Variants in APBB2 observed in about 807,000 individuals in gnomAD.
The protein encoded by APBB2 is amyloid beta precursor protein binding family B member 2, also known as Fe65-like 1.
Under a neutral mutation model 82.5 loss-of-function variants are expected in APBB2, and 38 were observed. That is an observed-to-expected ratio of 0.46 (90% confidence interval 0.36 to 0.60). The LOEUF is 0.60. Among genes scored for constraint, APBB2 ranks in the 20% least tolerant of loss-of-function variants. APBB2 has a pLI of 0.00. For synonymous variants in APBB2, 341 were observed against 368.2 expected (o/e 0.93, Z 0.85); for missense variants, 772 against 972.3 (o/e 0.79, Z 2.74).
At chr4:41,103,426 G>A (rs1746114473) in intron 2 of APBB2, among the ~76,000 whole-genome samples, 1 of 151,974 alleles carries the variant, frequency 6.6e-6, no homozygotes, top group African/African-American at 2.4e-5. Flanking sequence ...GTTCAAGATA[G>A]GCATAAAGAT....
chr4:40,877,647 T>A (rs1767246725), intron 12 of APBB2, among the ~76,000 whole-genome samples: 1 of 152,224 alleles, frequency 6.6e-6, no homozygotes, highest in African/African-American at 2.4e-5. Context: ...CTGTGCCCTG[T>A]TTAGTTCACC....
In APBB2 at chr4:40,930,458, CGCGCGCGCGT is replaced by C. The variant is rs774151638; in HGVS notation, c.1254+3988_1254+3997del. ...GTGTGTGTGTGTGTGTGCGCGCGCG[CGCGCGCGCGT>C]GCGCGTGCGCGTATGCGTGTGTATG... On this transcript the variant is annotated intron_variant, in intron 10 of 17. Coordinates refer to ENST00000508593, the MANE Select transcript of APBB2 (RefSeq NM_004307.2). 6.4e-3 allele frequency among the ~76,000 whole-genome samples: 849 copies of C among 133,684 alleles called. 5 individuals are homozygous for C. The highest frequency in any genetic ancestry group is 0.023 in the African/African-American group (771 of 33,006). 87.7% of individuals were successfully genotyped at this position (133,684 alleles called of 152,430 possible). A position where few individuals can be genotyped will look rare whatever the true frequency, so the allele number is the denominator to read the frequency against.
chr4:40,823,078 A>G (rs1748574317), intron 16 of APBB2, among the ~76,000 whole-genome samples: 1 of 152,188 alleles, frequency 6.6e-6, no homozygotes, highest in South Asian at 2.1e-4. Flanking sequence ...GGCAGAATAG[A>G]AAAGTGGGCA....
intron 1 of APBB2, among the ~76,000 whole-genome samples, chr4:41,188,746 G>A (rs1478317626): frequency 1.3e-5 from 2 of 152,102 alleles, no homozygotes; most frequent in Non-Finnish European, 2.9e-5. Context: ...AGTTCTAACC[G>A]GGTTAAAAGT....
At chr4:40,905,379 A>G (rs1776438543) in intron 10 of APBB2, among the ~76,000 whole-genome samples, 1 of 152,216 alleles carries the variant, frequency 6.6e-6, no homozygotes, top group Admixed American at 6.5e-5. Flanking sequence ...ACAAGGAAGG[A>G]GAAAGAGGCA....
At chr4:40,918,806 G>T (rs138565105) in intron 10 of APBB2, among the ~76,000 whole-genome samples, 167 of 149,220 alleles carry the variant, frequency 1.1e-3, no homozygotes, top group African/African-American at 3.9e-3. Flanking sequence ...CAGAGACAGG[G>T]TCTCACTATG....
chr4:41,183,434 T>G (rs1335600364), intron 1 of APBB2, among the ~76,000 whole-genome samples: 1 of 152,164 alleles, frequency 6.6e-6, no homozygotes, highest in African/African-American at 2.4e-5. Context: ...TGTGATCGTA[T>G]TCAGAAATAA....
At chr4:40,927,599 A>G (rs1020950473) in intron 10 of APBB2, among the ~76,000 whole-genome samples, 18 of 152,030 alleles carry the variant, frequency 1.2e-4, no homozygotes, top group Admixed American at 1.2e-3. Context: ...TTCCCACCTC[A>G]GCCTCCCGAG....
intron 1 of APBB2, among the ~76,000 whole-genome samples, chr4:41,155,031 T>C (rs1324389262): frequency 6.6e-6 from 1 of 152,234 alleles, no homozygotes; most frequent in Non-Finnish European, 1.5e-5. Context: ...TGACTCATTT[T>C]AAATCATAAG....
chr4:41,070,848 A>T (rs368401329), intron 3 of APBB2, among the ~76,000 whole-genome samples: 14 of 152,360 alleles, frequency 9.2e-5, no homozygotes, highest in African/African-American at 2.2e-4. Context: ...CGCTAAGATC[A>T]AGATAAATAT....
intron 6 of APBB2, among the ~76,000 whole-genome samples, chr4:40,989,062 G>T (rs1013226983): frequency 6.6e-6 from 1 of 152,134 alleles, no homozygotes; most frequent in African/African-American, 2.4e-5. Context: ...CCTGGCCCCA[G>T]AGTACTTTTT....
chr4:40,827,217 A>T lies in APBB2; in HGVS notation c.1647T>A (p.Ile549=), dbSNP rs372048136. The change falls in exon 14 of 18, where the codon ATT becomes ATA. Residue 549 remains isoleucine (I), a splice_region_variant and synonymous_variant. Transcript: ENST00000508593. ...CTTTGGCATTCTTCCGTTCAGCCAT[A>T]ATCTAAGGGGGAAAAAGTGCAGCTT... is the stretch of plus-strand genomic sequence containing the variant. ...ATSLHEICSK[I]MAERKNAKAL... 1.9e-6 allele frequency: 3 copies of T among 1,613,968 alleles called. No homozygotes were observed. The highest frequency in any genetic ancestry group is 2.5e-6 in the Non-Finnish European group (3 of 1,179,978).
At chr4:41,060,965 G>A (rs1264882636) in intron 4 of APBB2, among the ~76,000 whole-genome samples, 1 of 152,218 alleles carries the variant, frequency 6.6e-6, no homozygotes, top group East Asian at 1.9e-4. Context: ...AAGGAGCAGT[G>A]AAAGGAAACC....
intron 6 of APBB2, among the ~76,000 whole-genome samples, chr4:40,965,103 G>A (rs1794344160): frequency 6.6e-6 from 1 of 150,684 alleles, no homozygotes; most frequent in South Asian, 2.1e-4. Flanking sequence ...CAGGGCGACA[G>A]AGCAAGACTC....
In APBB2 at chr4:40,981,380, C is replaced by CA. The variant is rs35012895; in HGVS notation, c.835+32202dup. Among the ~76,000 whole-genome samples the CA allele has an allele frequency of 1.9e-3, 224 of 116,438 alleles. 2 individuals are homozygous for CA. Among genetic ancestry groups the CA allele is most frequent in the African/African-American group, 5.2e-3 (186 of 35,430 alleles). 76.4% of individuals were successfully genotyped at this position (116,438 alleles called of 152,430 possible). On this transcript the variant is annotated intron_variant, in intron 6 of 17. Transcript: ENST00000508593. ...CTGGCGACAGAGTGAGACCCTGTCTCAAAAAAAAAAAGAGACAGAGCAAGC... is the reference window on the plus strand; with the variant it reads ...CTGGCGACAGAGTGAGACCCTGTCTCAAAAAAAAAAAAGAGACAGAGCAAGC...
chr4:40,894,092 T>G (rs1033243674), intron 10 of APBB2, among the ~76,000 whole-genome samples: 1 of 151,158 alleles, frequency 6.6e-6, no homozygotes, highest in Non-Finnish European at 1.5e-5. Flanking sequence ...ATCGAGACCA[T>G]CCCGGCTAAC....
intron 2 of APBB2, chr4:41,118,048 C>CA (rs772252563): frequency 0.079 from 10,311 of 130,576 alleles, 479 homozygotes; most frequent in Non-Finnish European, 0.11. Flanking sequence ...ATCTACAAAA[C>CA]AAAACAAAAA....
intron 12 of APBB2, among the ~76,000 whole-genome samples, chr4:40,855,208 T>C (rs774605610): frequency 6.6e-6 from 1 of 151,998 alleles, no homozygotes; most frequent in Non-Finnish European, 1.5e-5. Context: ...CCAGGGATGC[T>C]CCAGTGCAGA....
chr4:40,978,739 T>C (rs914608098), intron 6 of APBB2, among the ~76,000 whole-genome samples: 6 of 152,190 alleles, frequency 3.9e-5, no homozygotes, highest in African/African-American at 1.2e-4. Flanking sequence ...ATGAAAATTA[T>C]GAAGATTTTA....
Sources: gnomAD v4.1 joint callset for allele counts (sites outside exome capture counted in the v4.1 genomes callset) on GRCh38, gnomAD v4.1.1 for gene constraint, MANE v1.5 for transcripts, NCBI Gene and HGNC (gene_info 2026-07-23, HGNC 2026-07-21) for gene names.